RANBP2: variants seen among roughly 807,000 people sequenced by gnomAD.
RANBP2 encodes E3 SUMO-protein ligase RanBP2.
Under a neutral mutation model 303.6 loss-of-function variants are expected in RANBP2, and 57 were observed. The observed-to-expected ratio is 0.19, with a 90% CI of 0.15 to 0.23. The LOEUF (loss-of-function observed/expected upper bound fraction) is 0.23, where lower values mean the gene tolerates loss of function less well. RANBP2 is among the 10% of genes least tolerant of loss of function. RANBP2 has a pLI of 1.00. For missense variants in RANBP2, 3,138 were observed against 3,780.8 expected (o/e 0.83, Z 4.46); for synonymous variants, 1,167 against 1,301.5 (o/e 0.90, Z 2.23).
chr2:109,289,284 T>C, the RANBP2 span, among the ~76,000 whole-genome samples: 1 of 152,164 alleles, frequency 6.6e-6, no homozygotes, highest in Non-Finnish European at 1.5e-5. Context: ...GGGTGAGCCT[T>C]CTTGTTATTT....
the RANBP2 span, among the ~76,000 whole-genome samples, chr2:108,987,016 T>C: frequency 2.6e-5 from 4 of 152,270 alleles, no homozygotes; most frequent in Middle Eastern, 3.4e-3. Flanking sequence ...TCCAGGATAA[T>C]TGAGGCATGC....
At chr2:109,512,780 GT>G in the RANBP2 span, among the ~76,000 whole-genome samples, 2 of 152,010 alleles carry the variant, frequency 1.3e-5, no homozygotes, top group African/African-American at 4.8e-5. Flanking sequence ...TCCACCCTGG[GT>G]GCCCCAAGAC....
chr2:108,911,024 G>C, the RANBP2 span: 2 of 1,614,060 alleles, frequency 1.2e-6, no homozygotes, highest in African/African-American at 2.7e-5. Flanking sequence ...GAAGATGGTG[G>C]ACATTGCAAT....
At chr2:108,776,771 G>T (rs981557164) in intron 24 of RANBP2, among the ~76,000 whole-genome samples, 1 of 152,174 alleles carries the variant, frequency 6.6e-6, no homozygotes, top group African/African-American at 2.4e-5. Context: ...TTTTTATACA[G>T]ATGTTTCCTA....
chr2:109,632,007 A>C, the RANBP2 span, among the ~76,000 whole-genome samples: 1 of 152,032 alleles, frequency 6.6e-6, no homozygotes, highest in Admixed American at 6.5e-5. Flanking sequence ...CCTTGAAGAG[A>C]GGAGGGGGGT....
At chr2:109,618,901 C>T in the RANBP2 span, 1 of 166,928 alleles carries the variant, frequency 6.0e-6, no homozygotes, top group Non-Finnish European at 1.5e-5. Context: ...TCTAGGTTGC[C>T]TTGTCTCTCC....
the RANBP2 span, among the ~76,000 whole-genome samples, chr2:108,994,874 G>C: frequency 7.1e-6 from 1 of 140,866 alleles, no homozygotes; most frequent in Non-Finnish European, 1.5e-5. Context: ...CTGTCGCCCA[G>C]GCCGGAGTGC....
the RANBP2 span, among the ~76,000 whole-genome samples, chr2:108,843,261 C>T: frequency 7.4e-4 from 113 of 152,220 alleles, no homozygotes; most frequent in Non-Finnish European, 6.8e-4. Flanking sequence ...GGGTTCAAAC[C>T]ATGCTCCTGC....
the RANBP2 span, among the ~76,000 whole-genome samples, chr2:109,735,564 A>G: frequency 6.6e-6 from 1 of 152,188 alleles, no homozygotes; most frequent in Non-Finnish European, 1.5e-5. Flanking sequence ...TGATTACAAG[A>G]GTTCAAAAAG....
rs187018864 is a variant in RANBP2 at position 108,783,718 on chromosome 2, C to A, written c.9492C>A (p.Gly3164=). Reference sequence around the variant, plus strand: ...GTTTACTATCCATGGCCAATCAAGGCCAGAATACCAATAATTCTCAATTTG... The same window carrying A: ...GTTTACTATCCATGGCCAATCAAGGACAGAATACCAATAATTCTCAATTTG... ...GPGLLSMANQ[G]QNTNNSQFVI... Residue 3164 remains glycine, a synonymous_variant, in exon 29 of 29, where the codon GGC becomes GGA. Transcript: ENST00000283195. 1 of 1,612,238 alleles carries A rather than the reference C, an allele frequency of 6.2e-7. No individual in the cohort carries two copies. Among genetic ancestry groups the A allele is most frequent in the Admixed American group, 1.7e-5 (1 of 59,990 alleles).
At chr2:109,162,879 CA>C in the RANBP2 span, among the ~76,000 whole-genome samples, 1 of 151,890 alleles carries the variant, frequency 6.6e-6, no homozygotes, top group Non-Finnish European at 1.5e-5. Context: ...AGATGATTAC[CA>C]AAAAAACCAC....
At chr2:109,240,778 C>T in the RANBP2 span, among the ~76,000 whole-genome samples, 4 of 152,162 alleles carry the variant, frequency 2.6e-5, no homozygotes, top group Non-Finnish European at 5.9e-5. Flanking sequence ...TCCTTCTCCT[C>T]TCTAGACCCT....
the RANBP2 span, among the ~76,000 whole-genome samples, chr2:108,813,758 C>T: frequency 6.6e-6 from 1 of 152,176 alleles, no homozygotes; most frequent in South Asian, 2.1e-4. Flanking sequence ...GAACTTTCCA[C>T]TATCCTAGAA....
chr2:109,421,698 G>A, the RANBP2 span, among the ~76,000 whole-genome samples: 1 of 152,182 alleles, frequency 6.6e-6, no homozygotes, highest in Non-Finnish European at 1.5e-5. Flanking sequence ...TGAGATTTGG[G>A]TAAGAGGGAA....
chr2:109,043,870 G>A, the RANBP2 span, among the ~76,000 whole-genome samples: 9 of 152,154 alleles, frequency 5.9e-5, no homozygotes, highest in African/African-American at 2.2e-4. Flanking sequence ...ATAATTTGGG[G>A]GAACAGCCTC....
At chr2:109,420,345 C>T in the RANBP2 span, among the ~76,000 whole-genome samples, 1 of 151,742 alleles carries the variant, frequency 6.6e-6, no homozygotes, top group African/African-American at 2.4e-5. Flanking sequence ...TGACATAATA[C>T]AGAAAGTTCT....
At chr2:109,695,568 T>C in the RANBP2 span, among the ~76,000 whole-genome samples, 60 of 152,216 alleles carry the variant, frequency 3.9e-4, no homozygotes, top group African/African-American at 1.4e-3. Flanking sequence ...TGGACCCCAC[T>C]GATACTACCT....
At chr2:109,708,468 G>C in the RANBP2 span, among the ~76,000 whole-genome samples, 295 of 151,986 alleles carry the variant, frequency 1.9e-3, no homozygotes, top group African/African-American at 6.6e-3. Flanking sequence ...GAGCAGCCCG[G>C]GCAACATGGC....
the RANBP2 span, chr2:108,906,318 T>C: frequency 6.2e-7 from 1 of 1,614,068 alleles, no homozygotes; most frequent in East Asian, 2.2e-5. Context: ...CTTCCACGAC[T>C]CCACACACGT....
Sources: allele counts gnomAD v4.1 joint callset (sites outside exome capture counted in the v4.1 genomes callset), GRCh38; gene constraint gnomAD v4.1.1; transcripts MANE v1.5; gene names NCBI Gene and HGNC (gene_info 2026-07-23, HGNC 2026-07-21).